Variants in COL19A1 observed in about 807,000 individuals in gnomAD.
The protein encoded by COL19A1 is collagen type XIX alpha 1 chain, also known as collagen alpha-1(XIX) chain.
Under a neutral mutation model 190.2 loss-of-function variants are expected in COL19A1, and 159 were observed. That is an observed-to-expected ratio of 0.84 (90% confidence interval 0.73 to 0.95). COL19A1 has a LOEUF of 0.95. Ranked by LOEUF, COL19A1 falls within the 40% of genes least tolerant of loss-of-function variation. The pLI is 0.00. For missense variants in COL19A1, 1,418 were observed against 1,431.9 expected (o/e 0.99, Z 0.16); for synonymous variants, 509 against 458.9 (o/e 1.11, Z -1.39).
At chr6:70,000,283 G>A (rs1194893780) in intron 11 of COL19A1, among the ~76,000 whole-genome samples, 1 of 152,144 alleles carries the variant, frequency 6.6e-6, no homozygotes, top group Non-Finnish European at 1.5e-5. Context: ...GGGCATTTGG[G>A]TTGGTTCCAT....
Position 70,008,057 on chromosome 6 carries a change from T to C in COL19A1, c.1027-15570T>C, listed in dbSNP as rs568561013. Among the ~76,000 whole-genome samples, 189 of 152,016 alleles carry C rather than the reference T, an allele frequency of 1.2e-3. 1 individual carries two copies. The highest frequency in any genetic ancestry group is 5.2e-3 in the South Asian group (25 of 4,822). On this transcript the variant is annotated intron_variant, in intron 11 of 50. Transcript: ENST00000620364. ...ATAAAAACAAGTTTAGTTGTATAGA[T>C]TTAAATGCTTATATTAGAAAGGAAT...
chr6:70,169,371 A>G (rs929491699), intron 40 of COL19A1, among the ~76,000 whole-genome samples: 1 of 152,110 alleles, frequency 6.6e-6, no homozygotes, highest in Non-Finnish European at 1.5e-5. Context: ...ATATATTTTA[A>G]CCTTTGGGTA....
At chr6:69,871,113 A>G (rs559059498) in intron 1 of COL19A1, among the ~76,000 whole-genome samples, 1 of 152,354 alleles carries the variant, frequency 6.6e-6, no homozygotes, top group South Asian at 2.1e-4. Flanking sequence ...TGATAAAACT[A>G]AGGAATAATG....
At chr6:69,903,752 A>G (rs529135932) in intron 4 of COL19A1, among the ~76,000 whole-genome samples, 6 of 152,342 alleles carry the variant, frequency 3.9e-5, no homozygotes, top group East Asian at 3.9e-4. Flanking sequence ...CTGTGGTCAC[A>G]TGCACATCTA....
At chr6:70,189,477 C>T (rs1766723851) in intron 47 of COL19A1, among the ~76,000 whole-genome samples, 1 of 152,096 alleles carries the variant, frequency 6.6e-6, no homozygotes, top group Non-Finnish European at 1.5e-5. Context: ...AACCGCCAAT[C>T]TTCATCATAT....
chr6:70,174,485 A>T (rs377097051), intron 41 of COL19A1, among the ~76,000 whole-genome samples: 1 of 151,830 alleles, frequency 6.6e-6, no homozygotes, highest in Non-Finnish European at 1.5e-5. Flanking sequence ...ACTTGAACCC[A>T]GGAGGCAGAG....
At chr6:69,907,110 T>TA (rs1484775436) in intron 4 of COL19A1, among the ~76,000 whole-genome samples, 2 of 105,680 alleles carry the variant, frequency 1.9e-5, no homozygotes, top group African/African-American at 7.1e-5. Flanking sequence ...TATTATTATT[T>TA]TTTTTTTTTT....
intron 15 of COL19A1, among the ~76,000 whole-genome samples, chr6:70,076,997 A>G (rs530534352): frequency 1.3e-3 from 204 of 152,328 alleles, no homozygotes; most frequent in African/African-American, 4.7e-3. Flanking sequence ...AAAACCAAGA[A>G]TTAATCACAA....
chr6:70,195,136 GATAT>G (rs202055762), intron 48 of COL19A1, among the ~76,000 whole-genome samples: 5,723 of 135,990 alleles, frequency 0.042, 392 homozygotes, highest in African/African-American at 0.14. Flanking sequence ...CATCATTGAT[GATAT>G]ATATATATAT....
intron 31 of COL19A1, among the ~76,000 whole-genome samples, chr6:70,153,690 G>A (rs1462252204): frequency 6.6e-6 from 1 of 152,074 alleles, no homozygotes; most frequent in African/African-American, 2.4e-5. Flanking sequence ...CCATGTTTGT[G>A]TCTGCAGATA....
At chr6:69,896,259 C>T (rs552574281) in intron 2 of COL19A1, among the ~76,000 whole-genome samples, 30 of 152,166 alleles carry the variant, frequency 2.0e-4, no homozygotes, top group Middle Eastern at 6.8e-3. Flanking sequence ...CCAAACAGGC[C>T]GGGCGCGGTG....
intron 4 of COL19A1, among the ~76,000 whole-genome samples, chr6:69,903,805 C>A (rs1004811587): frequency 1.3e-5 from 2 of 152,206 alleles, no homozygotes; most frequent in African/African-American, 4.8e-5. Flanking sequence ...AGGGCTTATG[C>A]CTGCTAATTA....
At chr6:70,153,130 T>C (rs947630427) in intron 31 of COL19A1, among the ~76,000 whole-genome samples, 7 of 152,134 alleles carry the variant, frequency 4.6e-5, no homozygotes, top group African/African-American at 1.7e-4. Context: ...AGGGGAGGTA[T>C]GTAGTTCCCC....
chr6:70,025,328 C>T (rs919140612), intron 12 of COL19A1, among the ~76,000 whole-genome samples: 2 of 152,176 alleles, frequency 1.3e-5, no homozygotes, highest in Non-Finnish European at 2.9e-5. Flanking sequence ...CCGTGCCCGG[C>T]AGACTTGGGA....
intron 15 of COL19A1, among the ~76,000 whole-genome samples, chr6:70,101,893 T>C (rs963649700): frequency 6.6e-6 from 1 of 152,130 alleles, no homozygotes; most frequent in African/African-American, 2.4e-5. Context: ...TTTCATATAC[T>C]TTATATTACT....
At position 69,927,921 on chromosome 6, in the gene COL19A1, C is replaced by G. The variant is rs146838602; in HGVS notation, c.279C>G (p.Pro93=). 3.9e-5 allele frequency: 63 copies of G among 1,609,786 alleles called. No homozygotes were observed. The African/African-American group carries it at 5.9e-4, about 15-fold the overall frequency. ...TTTCCTCCCACAGTAAGATATTTCCCAAAGGCCTTCCTGAGGAGTACTCAG... is the reference window on the plus strand; with the variant it reads ...TTTCCTCCCACAGTAAGATATTTCCGAAAGGCCTTCCTGAGGAGTACTCAG... ...LLIRDTIKIF[P]KGLPEEYSVA... The change falls in exon 5 of 51, where the codon CCC becomes CCG. Residue 93 remains proline, a synonymous_variant. Transcript: ENST00000620364.
chr6:70,005,799 C>A (rs1777586263), intron 11 of COL19A1, among the ~76,000 whole-genome samples: 1 of 152,022 alleles, frequency 6.6e-6, no homozygotes, highest in African/African-American at 2.4e-5. Context: ...GGTCACTCGC[C>A]CCCTGCCCAG....
intron 40 of COL19A1, 61 bp from the exon 41 acceptor site, chr6:70,171,903 A>C: frequency 1.3e-6 from 2 of 1,548,618 alleles, no homozygotes; most frequent in Non-Finnish European, 1.8e-6. Flanking sequence ...TTGCTTTGGA[A>C]ACCAATGCTT....
chr6:69,921,442 T>TG lies in COL19A1; in HGVS notation c.267-6467_267-6466insG, dbSNP rs1561998272. Among the ~76,000 whole-genome samples, 15 of 111,306 alleles carry TG rather than the reference T, an allele frequency of 1.3e-4. 1 individual carries two copies. The highest frequency in any genetic ancestry group is 6.6e-4 in the African/African-American group (15 of 22,804). 73.0% of individuals were successfully genotyped at this position (111,306 alleles called of 152,430 possible). On this transcript the variant is annotated intron_variant, in intron 4 of 50. Coordinates refer to ENST00000620364, the MANE Select transcript of COL19A1 (RefSeq NM_001858.6). ...TCATATATATCATATATATCATATA[T>TG]ATCATATATCATATATATCATATAT...
Sources: allele counts gnomAD v4.1 joint callset (sites outside exome capture counted in the v4.1 genomes callset), GRCh38; gene constraint gnomAD v4.1.1; transcripts MANE v1.5; gene names NCBI Gene and HGNC (gene_info 2026-07-23, HGNC 2026-07-21).